KCNMB4: variants seen among roughly 807,000 people sequenced by gnomAD.
The protein encoded by KCNMB4 is potassium calcium-activated channel subfamily M regulatory beta subunit 4, also known as calcium-activated potassium channel subunit beta-4.
A neutral mutation model predicts 20.7 loss-of-function variants in KCNMB4; 3 were observed. The observed-to-expected ratio is 0.14, with a 90% CI of 0.07 to 0.37. KCNMB4 has a LOEUF of 0.37. KCNMB4 is among the 10% of genes least tolerant of loss of function. The pLI is 1.00. For missense variants in KCNMB4, 168 were observed against 265.9 expected, an observed-to-expected ratio of 0.63 and a Z score of 2.56; for synonymous variants, 110 against 113.4, an observed-to-expected ratio of 0.97 and a Z score of 0.19.
At chr12:70,416,348 C>G (rs1868913278) in intron 2 of KCNMB4, among the ~76,000 whole-genome samples, 1 of 152,172 alleles carries the variant, frequency 6.6e-6, no homozygotes, top group Non-Finnish European at 1.5e-5. Flanking sequence ...ATACCTGTGG[C>G]TATACTTTTT....
At chr12:70,385,022 A>G (rs1883864209) in intron 1 of KCNMB4, among the ~76,000 whole-genome samples, 1 of 152,064 alleles carries the variant, frequency 6.6e-6, no homozygotes, top group Non-Finnish European at 1.5e-5. Flanking sequence ...ACTATAGATG[A>G]TATATATAAT....
intron 1 of KCNMB4, among the ~76,000 whole-genome samples, chr12:70,370,663 G>A (rs972562943): frequency 4.1e-4 from 62 of 151,178 alleles, no homozygotes; most frequent in African/African-American, 1.5e-3. Context: ...GAAAGGGAGA[G>A]TATTATTTAA....
chr12:70,405,651 C>G (rs1868579318), intron 2 of KCNMB4, among the ~76,000 whole-genome samples: 1 of 152,156 alleles, frequency 6.6e-6, no homozygotes, highest in Admixed American at 6.5e-5. Flanking sequence ...CTCCAAAAGA[C>G]TTGAAATCAG....
intron 2 of KCNMB4, among the ~76,000 whole-genome samples, chr12:70,407,529 TTG>T (rs1565863044): frequency 7.3e-6 from 1 of 136,604 alleles, no homozygotes; most frequent in African/African-American, 2.8e-5. Context: ...GTGCAGTGGC[TTG>T]ATCTCTGCTC....
chr12:70,428,859 A>C (rs1460987188), intron 2 of KCNMB4, among the ~76,000 whole-genome samples: 1 of 152,234 alleles, frequency 6.6e-6, no homozygotes, highest in Non-Finnish European at 1.5e-5. Context: ...AATTCCAAAA[A>C]AAGGCAATTT....
chr12:70,407,668 C>T (rs1868646586), intron 2 of KCNMB4, among the ~76,000 whole-genome samples: 1 of 151,658 alleles, frequency 6.6e-6, no homozygotes, highest in Admixed American at 6.6e-5. Flanking sequence ...GGGGTTTCAC[C>T]GTGTTAGCCA....
chr12:70,366,904 T>A lies in KCNMB4; in HGVS notation c.170T>A (p.Leu57Gln). The A allele has an allele frequency of 3.7e-6, 6 of 1,613,504 alleles. No homozygotes were observed. The highest frequency in any genetic ancestry group is 5.1e-6 in the Non-Finnish European group (6 of 1,179,874). Residue 57 changes from leucine (L) to glutamine (Q), a missense_variant, in exon 1 of 3, where the codon CTG becomes CAG. Transcript: ENST00000258111. ...GCCACGGAGGCCAATTGCACGGTGC[T>A]GTCGGTGCAGCAGATCGGCGAGGTG... ...LQATEANCTV[L>Q]SVQQIGEVFE...
chr12:70,428,289 C>G (rs1478726691), intron 2 of KCNMB4, among the ~76,000 whole-genome samples: 1 of 152,188 alleles, frequency 6.6e-6, no homozygotes, highest in East Asian at 1.9e-4. Context: ...CCACTACGCC[C>G]AGCCATCTTA....
chr12:70,420,826 A>G (rs1869030960), intron 2 of KCNMB4, among the ~76,000 whole-genome samples: 2 of 152,146 alleles, frequency 1.3e-5, no homozygotes, highest in South Asian at 2.1e-4. Context: ...TGGGAGGCCG[A>G]GGCGGGCGGA....
At chr12:70,409,398 G>A (rs921796195) in intron 2 of KCNMB4, among the ~76,000 whole-genome samples, 1 of 152,136 alleles carries the variant, frequency 6.6e-6, no homozygotes, top group Non-Finnish European at 1.5e-5. Flanking sequence ...TTTTGATCTT[G>A]TCACAGTCCT....
chr12:70,368,753 A>G (rs928162807), intron 1 of KCNMB4, among the ~76,000 whole-genome samples: 5 of 152,298 alleles, frequency 3.3e-5, no homozygotes, highest in Non-Finnish European at 7.4e-5. Context: ...TTTCATATCT[A>G]TATATACATA....
chr12:70,416,289 A>G (rs1306414394), intron 2 of KCNMB4, among the ~76,000 whole-genome samples: 2 of 152,228 alleles, frequency 1.3e-5, no homozygotes, highest in African/African-American at 4.8e-5. Context: ...TATCTGGGAC[A>G]TTAATGCTAG....
intron 1 of KCNMB4, among the ~76,000 whole-genome samples, chr12:70,373,836 A>G (rs1017349090): frequency 6.6e-6 from 1 of 152,068 alleles, no homozygotes; most frequent in Non-Finnish European, 1.5e-5. Flanking sequence ...TATCAAGGAA[A>G]TTGGCTGGTC....
chr12:70,411,462 T>G (rs907820617), intron 2 of KCNMB4, among the ~76,000 whole-genome samples: 10 of 152,232 alleles, frequency 6.6e-5, no homozygotes, highest in Non-Finnish European at 4.4e-5. Flanking sequence ...TAGTTTTTAT[T>G]CAACTTAAAA....
chr12:70,405,916 T>C (rs1593339065), intron 2 of KCNMB4, among the ~76,000 whole-genome samples: 2 of 152,012 alleles, frequency 1.3e-5, no homozygotes, highest in Non-Finnish European at 1.5e-5. Context: ...GAAAATATGG[T>C]ATGTACATAC....
rs1883503268 is a variant in KCNMB4 at position 70,366,836 on chromosome 12, C to T, written c.102C>T (p.Ile34=). 3 of 1,612,954 alleles carry T rather than the reference C, an allele frequency of 1.9e-6. No homozygotes were observed. The highest frequency in any genetic ancestry group is 1.1e-5 in the South Asian group (1 of 91,068). The change falls in exon 1 of 3, where the codon ATC becomes ATT. Residue 34 remains isoleucine, a synonymous_variant. Coordinates refer to ENST00000258111, the MANE Select transcript of KCNMB4 (RefSeq NM_014505.6). ...LIISGVVSLF[I]FGFCWLSPAL... is the part of the protein sequence containing the mutation. ...TCTCCGGCGTCGTGTCGCTCTTCAT[C>T]TTCGGCTTCTGCTGGCTGAGTCCCG...
rs188269949 is a variant in KCNMB4, at chr12:70,400,966, C to T, written c.464+630C>T. Reference sequence around the variant, plus strand: ...TTCACTCATTTACCAAATCCAGAAACCTTTGAGTAATGCTTAGTTCATTTT... The same window carrying T: ...TTCACTCATTTACCAAATCCAGAAATCTTTGAGTAATGCTTAGTTCATTTT... On this transcript the variant is annotated intron_variant, in intron 2 of 2. Transcript: ENST00000258111. Among the ~76,000 whole-genome samples, 224 of 152,234 alleles carry T rather than the reference C, an allele frequency of 1.5e-3. 1 individual carries two copies. The highest frequency in any genetic ancestry group is 5.1e-3 in the African/African-American group (213 of 41,538).
intron 2 of KCNMB4, among the ~76,000 whole-genome samples, chr12:70,410,303 T>C (rs572065747): frequency 6.6e-6 from 1 of 152,340 alleles, no homozygotes; most frequent in African/African-American, 2.4e-5. Flanking sequence ...ATTATTAAGA[T>C]TCACCTCAAA....
intron 2 of KCNMB4, chr12:70,422,861 CTTTTA>C: frequency 8.4e-7 from 1 of 1,192,612 alleles, no homozygotes; most frequent in Non-Finnish European, 1.1e-6. Flanking sequence ...TGAGTAAAAC[CTTTTA>C]AAAAGTCTAT....
Sources: gnomAD v4.1 joint callset for allele counts (sites outside exome capture counted in the v4.1 genomes callset) on GRCh38, gnomAD v4.1.1 for gene constraint, MANE v1.5 for transcripts, NCBI Gene and HGNC (gene_info 2026-07-23, HGNC 2026-07-21) for gene names.